SEMA5A: variants seen among roughly 807,000 people sequenced by gnomAD.
SEMA5A encodes semaphorin 5A, also known as semaphorin-5A.
SEMA5A carries 55 observed loss-of-function variants against 135.5 expected under a neutral mutation model. The observed-to-expected ratio is 0.41, with a 90% CI of 0.33 to 0.51. SEMA5A has a LOEUF of 0.51. Among genes scored for constraint, SEMA5A ranks in the 20% least tolerant of loss-of-function variants. The probability of loss-of-function intolerance (pLI) is 0.37; values close to 1 mark genes in which losing one functional copy is unlikely to be tolerated. For missense variants in SEMA5A, 1,290 were observed against 1,419.9 expected (o/e 0.91, Z 1.47); for synonymous variants, 580 against 546.5 (o/e 1.06, Z -0.85).
chr5:9,358,547 A>T (rs1400889809), intron 3 of SEMA5A, among the ~76,000 whole-genome samples: 1 of 152,214 alleles, frequency 6.6e-6, no homozygotes, highest in Non-Finnish European at 1.5e-5. Context: ...TGACACATCC[A>T]TCTTTCCACT....
Position 9,540,445 on chromosome 5 carries a change from A to T in SEMA5A, c.-175+5139T>A, listed in dbSNP as rs1738022410. 2.0e-5 allele frequency among the ~76,000 whole-genome samples: 3 copies of T among 151,316 alleles called. No homozygotes were observed. The South Asian group carries it at 6.3e-4, about 32-fold the overall frequency. On this transcript the variant is annotated intron_variant, in intron 1 of 22. Coordinates refer to ENST00000382496, the MANE Select transcript of SEMA5A (RefSeq NM_003966.3). Reference sequence around the variant, plus strand: ...TCTACTAAAAATTCAAAAAAAAAAAAAAATTAGCTGGGCATGTGGCGGACA... The same window carrying T: ...TCTACTAAAAATTCAAAAAAAAAAATAAATTAGCTGGGCATGTGGCGGACA...
intron 12 of SEMA5A, among the ~76,000 whole-genome samples, chr5:9,151,971 T>C (rs139828960): frequency 8.1e-4 from 123 of 152,338 alleles, no homozygotes; most frequent in African/African-American, 2.7e-3. Flanking sequence ...CCAGCTCCTG[T>C]GGATCCACAA....
Position 9,039,873 on chromosome 5 carries a change from C to T in SEMA5A, c.*3024G>A, listed in dbSNP as rs543430130. The T allele has an allele frequency of 3.9e-5, 6 of 152,288 alleles. No homozygotes were observed. The South Asian group carries it at 1.0e-3, about 26-fold the overall frequency. The allele number at this position is 152,288 out of a possible 1,614,324, so 9.4% of individuals were successfully genotyped here. A position where few individuals can be genotyped will look rare whatever the true frequency, so the allele number is the denominator to read the frequency against. ...TAGTGTGCAGAAATTCTGTTCTTCT[C>T]CTTCCTGTAAACTGTCAGTGCACTG... On this transcript the variant is annotated 3_prime_UTR_variant, in exon 23 of 23. Transcript: ENST00000382496.
At chr5:9,055,610 A>G (rs1223727974) in intron 18 of SEMA5A, among the ~76,000 whole-genome samples, 1 of 152,184 alleles carries the variant, frequency 6.6e-6, no homozygotes. Flanking sequence ...GAGAAACCAG[A>G]GCAAAAATAT....
intron 2 of SEMA5A, among the ~76,000 whole-genome samples, chr5:9,435,360 C>G (rs908215518): frequency 6.6e-6 from 1 of 152,046 alleles, no homozygotes; most frequent in African/African-American, 2.4e-5. Flanking sequence ...ACCAGCTTAA[C>G]AAAATGTCAA....
intron 1 of SEMA5A, chr5:9,523,036 G>C (rs1736922162): frequency 6.6e-6 from 1 of 152,136 alleles, no homozygotes; most frequent in African/African-American, 2.4e-5. Context: ...GTGGTTTCAT[G>C]TACACAGCTA....
chr5:9,066,574 C>T lies in SEMA5A; in HGVS notation c.2146G>A (p.Val716Ile). 6.2e-7 allele frequency: 1 copy of T among 1,614,188 alleles called. No homozygotes were observed. The highest frequency in any genetic ancestry group is 8.5e-7 in the Non-Finnish European group (1 of 1,180,038). ...KTTPWTPWTPVNISDNGGHYE... is the reference protein window; with the variant it reads ...KTTPWTPWTPINISDNGGHYE... Reference sequence around the variant, plus strand: ...TGGCCGCCGTTGTCAGAGATGTTGACAGGTGTCCAGGGTGTCCAGGGCGTG... The same window carrying T: ...TGGCCGCCGTTGTCAGAGATGTTGATAGGTGTCCAGGGTGTCCAGGGCGTG... Residue 716 changes from valine (V) to isoleucine (I), a missense_variant, in exon 17 of 23, where the codon GTC becomes ATC. By Grantham distance (29) the Val-to-Ile change is conservative (BLOSUM62 3). Around this residue, in one of 3 missense-constraint regions of SEMA5A, gnomAD observed 1,029 missense variants for 1,086.6 expected, o/e 0.95. Coordinates refer to ENST00000382496, the MANE Select transcript of SEMA5A (RefSeq NM_003966.3).
intron 16 of SEMA5A, among the ~76,000 whole-genome samples, chr5:9,077,166 A>AG (rs1738114133): frequency 6.6e-6 from 1 of 152,086 alleles, no homozygotes; most frequent in Non-Finnish European, 1.5e-5. Context: ...CCTCCCAACA[A>AG]AGGCCATATA....
At chr5:9,280,796 T>C (rs1050584637) in intron 5 of SEMA5A, 7 of 432,466 alleles carry the variant, frequency 1.6e-5, no homozygotes, top group African/African-American at 8.1e-5. Flanking sequence ...CACCCAATTG[T>C]CTTCCTCAGA....
intron 1 of SEMA5A, among the ~76,000 whole-genome samples, chr5:9,501,205 A>G (rs913663733): frequency 1.3e-5 from 2 of 152,340 alleles, no homozygotes; most frequent in South Asian, 2.1e-4. Context: ...AATTGTGTCA[A>G]AATGGTTGCT....
At chr5:9,218,654 T>C (rs1746767153) in intron 8 of SEMA5A, among the ~76,000 whole-genome samples, 1 of 152,316 alleles carries the variant, frequency 6.6e-6, no homozygotes, top group Middle Eastern at 3.4e-3. Flanking sequence ...CTGAAAAGCA[T>C]GCAAAACAAA....
chr5:9,057,120 G>C (rs946944787), intron 18 of SEMA5A, among the ~76,000 whole-genome samples: 3 of 152,184 alleles, frequency 2.0e-5, no homozygotes, highest in Non-Finnish European at 2.9e-5. Context: ...GCCAGGGACT[G>C]GGGGAGAGGG....
At chr5:9,355,814 G>A (rs938805886) in intron 3 of SEMA5A, among the ~76,000 whole-genome samples, 24 of 152,198 alleles carry the variant, frequency 1.6e-4, no homozygotes, top group Non-Finnish European at 3.1e-4. Flanking sequence ...GATGTGTGGA[G>A]TGTTCTGCAT....
intron 11 of SEMA5A, among the ~76,000 whole-genome samples, chr5:9,184,769 CT>C (rs1333934021): frequency 2.6e-5 from 4 of 152,000 alleles, no homozygotes; most frequent in Admixed American, 1.3e-4. Flanking sequence ...ATTTCTCTCC[CT>C]TTTTTTTCCA....
intron 2 of SEMA5A, among the ~76,000 whole-genome samples, chr5:9,414,084 A>T (rs551425818): frequency 1.3e-5 from 2 of 152,322 alleles, no homozygotes; most frequent in South Asian, 4.2e-4. Context: ...AGCCAAAAGG[A>T]TACCCAACCC....
intron 2 of SEMA5A, among the ~76,000 whole-genome samples, chr5:9,400,069 A>G (rs1020402699): frequency 3.9e-5 from 6 of 152,188 alleles, no homozygotes; most frequent in Non-Finnish European, 8.8e-5. Context: ...CAGAAAACCA[A>G]ACACCACATG....
intron 16 of SEMA5A, among the ~76,000 whole-genome samples, chr5:9,105,220 CT>C (rs1485279620): frequency 3.3e-5 from 5 of 152,172 alleles, no homozygotes; most frequent in Admixed American, 1.3e-4. Flanking sequence ...ACTAATAGCT[CT>C]TGGCAAGGGT....
chr5:9,231,666 A>G (rs1747640217), intron 6 of SEMA5A, among the ~76,000 whole-genome samples: 2 of 152,058 alleles, frequency 1.3e-5, no homozygotes, highest in African/African-American at 4.8e-5. Flanking sequence ...TGGAGTCACA[A>G]TGTAGAGGTA....
intron 1 of SEMA5A, chr5:9,517,868 A>C (rs1296149891): frequency 6.6e-6 from 1 of 152,224 alleles, no homozygotes; most frequent in East Asian, 1.9e-4. Flanking sequence ...AAAACACAGA[A>C]AACTAACATA....
Sources: allele counts gnomAD v4.1 joint callset (sites outside exome capture counted in the v4.1 genomes callset), GRCh38; gene constraint gnomAD v4.1.1; regional missense constraint gnomAD v4.1.1; transcripts MANE v1.5; gene names NCBI Gene and HGNC (gene_info 2026-07-23, HGNC 2026-07-21).